Variants in CFAP251 observed in about 807,000 individuals in gnomAD.
CFAP251 encodes the protein cilia- and flagella-associated protein 251.
A neutral mutation model predicts 126.7 loss-of-function variants in CFAP251; 93 were observed. The ratio of observed to expected loss-of-function variants is 0.73; its 90% CI spans 0.62 to 0.87. CFAP251 has a LOEUF of 0.87. Among genes scored for constraint, CFAP251 ranks in the 40% least tolerant of loss-of-function variants. The pLI is 0.00. For missense variants in CFAP251, 1,287 were observed against 1,389.2 expected, an observed-to-expected ratio of 0.93 and a Z score of 1.17; for synonymous variants, 503 against 506.9, an observed-to-expected ratio of 0.99 and a Z score of 0.10.
chr12:121,923,494 C>G, intron 2 of CFAP251, 128 bp from the exon 3 acceptor site: 1 of 1,278,302 alleles, frequency 7.8e-7, no homozygotes, highest in Non-Finnish European at 1.1e-6. Context: ...GTTCCAGCCT[C>G]TTTTAAAAAA....
intron 9 of CFAP251, chr12:121,953,859 G>A: frequency 2.3e-6 from 1 of 429,632 alleles, no homozygotes; most frequent in South Asian, 2.9e-5. Context: ...TATAAACAGT[G>A]ATTAACCACT....
chr12:121,938,025 G>T (rs189663155), intron 5 of CFAP251, among the ~76,000 whole-genome samples: 1 of 152,262 alleles, frequency 6.6e-6, no homozygotes, highest in East Asian at 1.9e-4. Flanking sequence ...GTTTTTGTGA[G>T]ACAGGGTCTC....
chr12:121,921,756 A>T, intron 2 of CFAP251, 73 bp downstream of exon 2: 3 of 1,395,572 alleles, frequency 2.1e-6, no homozygotes, highest in Non-Finnish European at 2.9e-6. Flanking sequence ...AGGCCAGACT[A>T]TGGGAACACA....
intron 14 of CFAP251, 85 bp from the exon 15 acceptor site, chr12:121,961,893 G>A (rs1321447193): frequency 7.3e-7 from 1 of 1,377,682 alleles, no homozygotes; most frequent in African/African-American, 1.4e-5. Context: ...AATTATAAAG[G>A]CTGTCACCCA....
Position 122,002,972 on chromosome 12 carries a change from C to G in CFAP251, c.3338-680C>G, listed in dbSNP as rs545852527. 3.9e-4 allele frequency among the ~76,000 whole-genome samples: 60 copies of G among 152,300 alleles called. 3 individuals are homozygous for G. The South Asian group carries it at 0.012, about 32-fold the overall frequency. On this transcript the variant is annotated intron_variant, in intron 21 of 21. Transcript: ENST00000288912. ...CAGTAGCTAACAGGTCATTCCCAAC[C>G]TGCAAGCTCTCCCTACCCCATTCCT...
intron 4 of CFAP251, among the ~76,000 whole-genome samples, chr12:121,934,043 A>G (rs1442677792): frequency 2.6e-5 from 4 of 152,184 alleles, no homozygotes; most frequent in Middle Eastern, 3.4e-3. Flanking sequence ...CTTATCTTTC[A>G]GGTGTTTGGA....
chr12:121,923,734 T>C lies in CFAP251; in HGVS notation c.491T>C (p.Ile164Thr), dbSNP rs765688622. Reference sequence around the variant, plus strand: ...ATTGAATTTCTTGATTTGGATCAAATCAGTCCTGAGGAACAACAGATTAGT... The same window carrying C: ...ATTGAATTTCTTGATTTGGATCAAACCAGTCCTGAGGAACAACAGATTAGT... ...TQIEFLDLDQ[I>T]SPEEQQISSP... Residue 164 changes from isoleucine to threonine, a missense_variant, in exon 3 of 22, where the codon ATC (isoleucine) becomes ACC (threonine). By Grantham distance (89) the Ile-to-Thr change is moderately conservative. Coordinates refer to ENST00000288912, the MANE Select transcript of CFAP251 (RefSeq NM_144668.6). 1.7e-5 allele frequency: 27 copies of C among 1,614,046 alleles called. No homozygotes were observed. Among genetic ancestry groups the C allele is most frequent in the Non-Finnish European group, 2.2e-5 (26 of 1,180,048 alleles).
chr12:121,963,537 G>C (rs7309804), intron 15 of CFAP251, among the ~76,000 whole-genome samples: 11,411 of 150,988 alleles, frequency 0.076, 1,445 homozygotes, highest in African/African-American at 0.26. Flanking sequence ...CGCTGCTGGG[G>C]AGCAGGGAGT....
intron 19 of CFAP251, 73 bp from the exon 20 acceptor site, chr12:121,999,643 C>T (rs2135819783): frequency 2.4e-6 from 3 of 1,256,616 alleles, no homozygotes; most frequent in Non-Finnish European, 3.3e-6. Context: ...CCCTACTGTC[C>T]AATTTTTAGA....
chr12:121,953,743 G>A (rs1277950919), intron 9 of CFAP251: 1 of 192,566 alleles, frequency 5.2e-6, no homozygotes, highest in Non-Finnish European at 1.1e-5. Flanking sequence ...AAAGGAGGCT[G>A]GGATAATTAT....
At position 121,948,876 on chromosome 12, in the gene CFAP251, A is replaced by C. The variant is rs1303918216; in HGVS notation, c.1192-108A>C. ...CGAAATGCGGTATCTTTTCTGTTTT[A>C]TATTCCTACTCATTTGTTTTAATTA... On this transcript the variant is annotated intron_variant, in intron 7 of 21. Coordinates refer to ENST00000288912, the MANE Select transcript of CFAP251 (RefSeq NM_144668.6). 2 of 632,280 alleles carry C rather than the reference A, an allele frequency of 3.2e-6. 1 individual carries two copies. Among genetic ancestry groups the C allele is most frequent in the East Asian group, 6.5e-5 (2 of 30,760 alleles). 39.2% of individuals were successfully genotyped at this position (632,280 alleles called of 1,614,324 possible).
intron 20 of CFAP251, among the ~76,000 whole-genome samples, chr12:122,001,126 A>G (rs1453551475): frequency 7.0e-6 from 1 of 143,266 alleles, no homozygotes; most frequent in Non-Finnish European, 1.5e-5. Flanking sequence ...GCACGATCTC[A>G]GTTCACTGCA....
chr12:121,995,082 A>G (rs1052869027), intron 19 of CFAP251, among the ~76,000 whole-genome samples: 6 of 152,362 alleles, frequency 3.9e-5, no homozygotes, highest in South Asian at 4.1e-4. Context: ...GAAAAGCCCA[A>G]TGCATACGTA....
chr12:121,976,726 G>A (rs1257237645), intron 19 of CFAP251, among the ~76,000 whole-genome samples: 4 of 152,086 alleles, frequency 2.6e-5, no homozygotes, highest in African/African-American at 9.7e-5. Flanking sequence ...GGGTAACATA[G>A]AGAGATCCTA....
At chr12:121,943,475 T>G (rs998808248) in intron 7 of CFAP251, among the ~76,000 whole-genome samples, 4 of 152,070 alleles carry the variant, frequency 2.6e-5, no homozygotes, top group Non-Finnish European at 5.9e-5. Context: ...GAGTCTGGAG[T>G]GCAATGGCAC....
Position 121,948,987 on chromosome 12 carries a change from T to A in CFAP251, c.1195T>A (p.Tyr399Asn). 1 of 1,557,618 alleles carries A rather than the reference T, an allele frequency of 6.4e-7. No homozygotes were observed. Among genetic ancestry groups the A allele is most frequent in the Non-Finnish European group, 8.7e-7 (1 of 1,145,346 alleles). Residue 399 changes from tyrosine to asparagine, a missense_variant, in exon 8 of 22, where the codon TAC becomes AAC. Tyr to Asn is a moderately radical substitution (Grantham distance 143). Coordinates refer to ENST00000288912, the MANE Select transcript of CFAP251 (RefSeq NM_144668.6). ...ATTTTCATACTTTATATTTCAGAACTACGTTACTTTTAACCCAACAAATAA... is the reference window on the plus strand; with the variant it reads ...ATTTTCATACTTTATATTTCAGAACAACGTTACTTTTAACCCAACAAATAA... ...ELPTEYGVQN[Y>N]VTFNPTNNKE...
rs1434938307 is a variant in CFAP251 at position 121,982,352 on chromosome 12, G to A, written c.3006+6667G>A. 3.3e-5 allele frequency among the ~76,000 whole-genome samples: 5 copies of A among 150,762 alleles called. No homozygotes were observed. In the East Asian group the frequency reaches 9.7e-4, roughly 29 times the overall value. On this transcript the variant is annotated intron_variant, in intron 19 of 21. Coordinates refer to ENST00000288912, the MANE Select transcript of CFAP251 (RefSeq NM_144668.6). ...CTCTCTAGTAGCTGATATTATAGGCGCACATCACCACATCATTCAGGATTC... is the reference window on the plus strand; with the variant it reads ...CTCTCTAGTAGCTGATATTATAGGCACACATCACCACATCATTCAGGATTC...
intron 17 of CFAP251, among the ~76,000 whole-genome samples, chr12:121,973,623 T>A (rs1480862265): frequency 6.6e-6 from 1 of 152,178 alleles, no homozygotes; most frequent in Admixed American, 6.5e-5. Context: ...CCCAAGACCA[T>A]GGGAACCCAC....
chr12:121,985,670 A>G (rs1292342716), intron 19 of CFAP251, among the ~76,000 whole-genome samples: 2 of 152,038 alleles, frequency 1.3e-5, no homozygotes, highest in Non-Finnish European at 1.5e-5. Context: ...TACGTTGCCC[A>G]GGCTGGTCTC....
Sources: gnomAD v4.1 joint callset for allele counts (sites outside exome capture counted in the v4.1 genomes callset) on GRCh38, gnomAD v4.1.1 for gene constraint, MANE v1.5 for transcripts, NCBI Gene and HGNC (gene_info 2026-07-23, HGNC 2026-07-21) for gene names.